BMPR1A: variants seen among roughly 807,000 people sequenced by gnomAD.
The protein encoded by BMPR1A is bone morphogenetic protein receptor type-1A.
In BMPR1A, 7 loss-of-function variants were observed where a neutral mutation model predicts 66.0. The observed-to-expected ratio is 0.11, with a 90% CI of 0.06 to 0.20. BMPR1A has a LOEUF of 0.20. Ranked by LOEUF, BMPR1A falls within the 10% of genes least tolerant of loss-of-function variation. BMPR1A has a pLI of 1.00. For synonymous variants in BMPR1A, 200 were observed against 229.7 expected (o/e 0.87, Z 1.17); for missense variants, 408 against 669.1 (o/e 0.61, Z 4.31).
intron 1 of BMPR1A, among the ~76,000 whole-genome samples, chr10:86,833,793 A>G (rs1025156761): frequency 1.3e-5 from 2 of 152,220 alleles, no homozygotes; most frequent in Admixed American, 1.3e-4. Context: ...ATGGAAGTAA[A>G]TGATGTATCT....
chr10:86,794,129 A>G (rs1299159639), intron 1 of BMPR1A, among the ~76,000 whole-genome samples: 1 of 152,224 alleles, frequency 6.6e-6, no homozygotes, highest in African/African-American at 2.4e-5. Context: ...TGCCATTTAA[A>G]TAACATATTC....
rs1221941812 is a variant in BMPR1A at position 86,866,405 on chromosome 10, T to TTTTTTC, written c.-152-9457_-152-9456insCTTTTT. On this transcript the variant is annotated intron_variant, in intron 2 of 12. Coordinates refer to ENST00000372037, the MANE Select transcript of BMPR1A (RefSeq NM_004329.3). ...AAGTTGGGCAAGTTTCTTTCTTTTT[T>TTTTTTC]TTTTTTTTTTTTTTTTTTTTTGAGA... is the stretch of plus-strand genomic sequence containing the variant. 1.1e-3 allele frequency among the ~76,000 whole-genome samples: 117 copies of TTTTTTC among 105,564 alleles called. 12 individuals carry two copies. The highest frequency in any genetic ancestry group is 5.1e-3 in the African/African-American group (105 of 20,716). The allele number at this position is 105,564 out of a possible 152,430, so 69.3% of individuals were successfully genotyped here.
intron 1 of BMPR1A, among the ~76,000 whole-genome samples, chr10:86,772,136 T>G (rs1447008517): frequency 2.1e-5 from 3 of 145,456 alleles, no homozygotes; most frequent in East Asian, 3.9e-4. Flanking sequence ...GTTTTTTTTT[T>G]TTTTTTTTTT....
intron 7 of BMPR1A, among the ~76,000 whole-genome samples, chr10:86,903,588 C>CTAT (rs754753773): frequency 9.2e-5 from 14 of 151,526 alleles, no homozygotes; most frequent in African/African-American, 2.4e-4. Flanking sequence ...TCAAATTTAT[C>CTAT]TATTATTATT....
chr10:86,885,764 A>G (rs1216327296), intron 3 of BMPR1A, among the ~76,000 whole-genome samples: 2 of 152,240 alleles, frequency 1.3e-5, no homozygotes, highest in Admixed American at 6.5e-5. Context: ...TGGTCTCACC[A>G]ACCGTTTGCC....
At chr10:86,816,892 G>C (rs1399975803) in intron 1 of BMPR1A, among the ~76,000 whole-genome samples, 1 of 152,076 alleles carries the variant, frequency 6.6e-6, no homozygotes. Flanking sequence ...AATTCTAACA[G>C]GAATTAACTT....
At chr10:86,919,681 G>T (rs544674392) in intron 10 of BMPR1A, among the ~76,000 whole-genome samples, 20 of 147,500 alleles carry the variant, frequency 1.4e-4, no homozygotes, top group Non-Finnish European at 3.0e-4. Context: ...TTTTTTTGGT[G>T]TTTTTTTTTG....
At chr10:86,790,188 A>AAAAATAT (rs1564685490) in intron 1 of BMPR1A, among the ~76,000 whole-genome samples, 2 of 20,272 alleles carry the variant, frequency 9.9e-5, no homozygotes, top group Non-Finnish European at 1.5e-4. Flanking sequence ...AAAAAAAAAA[A>AAAAATAT]ATATATATAT....
chr10:86,790,234 T>TGTAA lies in BMPR1A; in HGVS notation c.-268+33315_-268+33316insGTAA, dbSNP rs1554878882. 3.7e-4 allele frequency among the ~76,000 whole-genome samples: 18 copies of TGTAA among 48,018 alleles called. 2 individuals are homozygous for TGTAA. The South Asian group carries it at 4.6e-3, about 12-fold the overall frequency. 31.5% of individuals were successfully genotyped at this position (48,018 alleles called of 152,430 possible). A position where few individuals can be genotyped will look rare whatever the true frequency, so the allele number is the denominator to read the frequency against. ...ATATATATATATATATATATATATA[T>TGTAA]ATCAAAACCACAATGAGATTCTGCT... On this transcript the variant is annotated intron_variant, in intron 1 of 12. Coordinates refer to ENST00000372037, the MANE Select transcript of BMPR1A (RefSeq NM_004329.3).
chr10:86,805,377 T>TACACAC (rs60828047), intron 1 of BMPR1A, among the ~76,000 whole-genome samples: 1,456 of 143,018 alleles, frequency 0.01, 22 homozygotes, highest in African/African-American at 0.027. Context: ...CTCCTACCTG[T>TACACAC]ACACACACAC....
chr10:86,909,729 TG>T (rs1843449170), intron 7 of BMPR1A, among the ~76,000 whole-genome samples: 1 of 152,108 alleles, frequency 6.6e-6, no homozygotes, highest in South Asian at 2.1e-4. Context: ...TACCAAGCCA[TG>T]GAGAACTGTA....
intron 2 of BMPR1A, among the ~76,000 whole-genome samples, chr10:86,851,412 A>T (rs1842565039): frequency 6.6e-6 from 1 of 152,236 alleles, no homozygotes; most frequent in East Asian, 1.9e-4. Context: ...CAAGATAAGT[A>T]AAAAAATCAG....
intron 8 of BMPR1A, among the ~76,000 whole-genome samples, chr10:86,916,752 G>A (rs1382589651): frequency 6.6e-6 from 1 of 152,290 alleles, no homozygotes; most frequent in East Asian, 1.9e-4. Flanking sequence ...ATTATGGGAG[G>A]CCGGGGGTGG....
At chr10:86,844,456 G>A (rs1037184517) in intron 2 of BMPR1A, among the ~76,000 whole-genome samples, 21 of 152,150 alleles carry the variant, frequency 1.4e-4, no homozygotes, top group Non-Finnish European at 2.6e-4. Flanking sequence ...AGTAGAATTC[G>A]ATGGTTCCAT....
intron 1 of BMPR1A, among the ~76,000 whole-genome samples, chr10:86,774,377 G>T (rs1205975395): frequency 2.0e-5 from 3 of 151,714 alleles, no homozygotes; most frequent in African/African-American, 2.4e-5. Context: ...GGATTGTCTT[G>T]GACCATGGGC....
At chr10:86,833,217 A>C (rs960742627) in intron 1 of BMPR1A, among the ~76,000 whole-genome samples, 8 of 152,204 alleles carry the variant, frequency 5.3e-5, no homozygotes. Context: ...GATGCTCGAC[A>C]CTTGGTATTG....
At chr10:86,863,848 A>T (rs909906494) in intron 2 of BMPR1A, among the ~76,000 whole-genome samples, 1 of 152,240 alleles carries the variant, frequency 6.6e-6, no homozygotes, top group African/African-American at 2.4e-5. Context: ...AATTAAAAAA[A>T]ATTTTTAAAT....
At chr10:86,807,636 G>A (rs1183636543) in intron 1 of BMPR1A, among the ~76,000 whole-genome samples, 3 of 151,956 alleles carry the variant, frequency 2.0e-5, no homozygotes, top group African/African-American at 7.3e-5. Context: ...TCCTACCTCA[G>A]TCTCCCAAAG....
At position 86,778,931 on chromosome 10, in the gene BMPR1A, T is replaced by C. The variant is rs150476563; in HGVS notation, c.-268+22012T>C. Among the ~76,000 whole-genome samples, 607 of 150,162 alleles carry C rather than the reference T, an allele frequency of 4.0e-3. 1 individual carries two copies. The highest frequency in any genetic ancestry group is 0.014 in the African/African-American group (572 of 41,096). On this transcript the variant is annotated intron_variant, in intron 1 of 12. Coordinates refer to ENST00000372037, the MANE Select transcript of BMPR1A (RefSeq NM_004329.3). ...TGGATTTTATTTATGTATTTTCTTTTTTTTTTTTTTTTTTTAAGTAGAGAT... is the reference window on the plus strand; with the variant it reads ...TGGATTTTATTTATGTATTTTCTTTCTTTTTTTTTTTTTTTAAGTAGAGAT...
Sources: allele counts gnomAD v4.1 joint callset (sites outside exome capture counted in the v4.1 genomes callset), GRCh38; gene constraint gnomAD v4.1.1; transcripts MANE v1.5; gene names NCBI Gene and HGNC (gene_info 2026-07-23, HGNC 2026-07-21).